The following HMOX2 variants were observed in gnomAD, a reference collection of about 807,000 sequenced individuals.
HMOX2 encodes heme oxygenase (decycling) 2.
HMOX2 carries 30 observed loss-of-function variants against 33.7 expected under a neutral mutation model. The observed-to-expected ratio is 0.89, with a 90% CI of 0.67 to 1.21. The LOEUF is 1.21. HMOX2 is among the 50% of genes most tolerant of loss of function. The probability of loss-of-function intolerance (pLI) is 0.00; values close to 1 mark genes in which losing one functional copy is unlikely to be tolerated. For synonymous variants in HMOX2, 155 were observed against 155.0 expected, an observed-to-expected ratio of 1.00 and a Z score of 0.00; for missense variants, 403 against 399.1, an observed-to-expected ratio of 1.01 and a Z score of -0.08.
At chr16:4,487,907 C>T (rs1596453018) in intron 1 of HMOX2, among the ~76,000 whole-genome samples, 1 of 147,440 alleles carries the variant, frequency 6.8e-6, no homozygotes, top group Admixed American at 6.8e-5. Context: ...GGGGAGATCA[C>T]GCCATTGCAT....
intron 1 of HMOX2, among the ~76,000 whole-genome samples, chr16:4,490,558 C>T (rs555064528): frequency 1.3e-5 from 2 of 152,292 alleles, no homozygotes; most frequent in African/African-American, 4.8e-5. Flanking sequence ...TTCAGCCTGC[C>T]TGGATTTGTT....
chr16:4,494,562 T>C (rs189715865), intron 1 of HMOX2, among the ~76,000 whole-genome samples: 3 of 152,156 alleles, frequency 2.0e-5, no homozygotes, highest in Admixed American at 2.0e-4. Flanking sequence ...AACCATGAAG[T>C]TGATGAATGC....
chr16:4,488,852 T>G (rs2058239191), intron 1 of HMOX2: 1 of 149,622 alleles, frequency 6.7e-6, no homozygotes. Context: ...TGAGACAGGA[T>G]CTCACTCTGT....
intron 1 of HMOX2, among the ~76,000 whole-genome samples, chr16:4,476,931 G>A (rs1265614871): frequency 6.6e-6 from 1 of 152,198 alleles, no homozygotes; most frequent in African/African-American, 2.4e-5. Flanking sequence ...TTCCCGGGCT[G>A]TTGGCATTGA....
chr16:4,507,467 G>T (rs2058723264), intron 3 of HMOX2, among the ~76,000 whole-genome samples: 1 of 151,976 alleles, frequency 6.6e-6, no homozygotes, highest in African/African-American at 2.4e-5. Context: ...AAAAAAATTG[G>T]TTCTCATGGC....
In HMOX2 at chr16:4,500,251, A is replaced by T. The variant is rs17882207; in HGVS notation, c.-41-5233A>T. Among the ~76,000 whole-genome samples the T allele has an allele frequency of 2.9e-3, 435 of 152,242 alleles. 3 individuals carry two copies. The highest frequency in any genetic ancestry group is 9.9e-3 in the African/African-American group (411 of 41,538). ...CAGCCTTCTAGGAAGCAGGCAGGGG[A>T]CCCCCATCCAGGGTGATGGTAAGAA... On this transcript the variant is annotated intron_variant, in intron 1 of 5. Coordinates refer to ENST00000570646, the MANE Select transcript of HMOX2 (RefSeq NM_002134.4).
At chr16:4,476,529 C>T (rs1329810348) in intron 1 of HMOX2, 42 bp downstream of exon 1, 2 of 152,400 alleles carry the variant, frequency 1.3e-5, no homozygotes, top group East Asian at 3.9e-4. Context: ...TTCCGCCCGG[C>T]TTCTCGGACC....
intron 1 of HMOX2, among the ~76,000 whole-genome samples, chr16:4,494,551 T>A (rs2058375294): frequency 6.6e-6 from 1 of 152,116 alleles, no homozygotes; most frequent in Non-Finnish European, 1.5e-5. Flanking sequence ...AATTTGTTAC[T>A]AACCATGAAG....
intron 1 of HMOX2, among the ~76,000 whole-genome samples, chr16:4,484,770 T>C (rs2058124836): frequency 6.6e-6 from 1 of 152,176 alleles, no homozygotes; most frequent in African/African-American, 2.4e-5. Context: ...TTAAGTTTCT[T>C]ATATAAAATG....
Position 4,476,434 on chromosome 16 carries a change from C to G in HMOX2, c.-95C>G, listed in dbSNP as rs904616136. ...GGGACTGCGGCGCCTGAGGGAGTCG[C>G]TGACGGGCACGCTGACTGGAGGCTG... On this transcript the variant is annotated 5_prime_UTR_variant, in exon 1 of 6. Coordinates refer to ENST00000570646, the MANE Select transcript of HMOX2 (RefSeq NM_002134.4). 6.6e-6 allele frequency: 1 copy of G among 152,284 alleles called. No individual in the cohort carries two copies. Among genetic ancestry groups the G allele is most frequent in the Non-Finnish European group, 1.5e-5 (1 of 68,064 alleles). The allele number at this position is 152,284 out of a possible 1,614,324, so 9.4% of individuals were successfully genotyped here. A position where few individuals can be genotyped will look rare whatever the true frequency, so the allele number is the denominator to read the frequency against.
intron 1 of HMOX2, among the ~76,000 whole-genome samples, chr16:4,493,857 G>C (rs2058357407): frequency 6.6e-6 from 1 of 152,200 alleles, no homozygotes; most frequent in Admixed American, 6.5e-5. Flanking sequence ...CAGATGGAGG[G>C]ATTCAGTCTT....
At position 4,480,344 on chromosome 16, in the gene HMOX2, G is replaced by A. The variant is rs371751342; in HGVS notation, c.-42+3857G>A. Among the ~76,000 whole-genome samples the A allele has an allele frequency of 2.3e-3, 265 of 115,978 alleles. 2 individuals are homozygous for A. The East Asian group carries it at 0.042, about 18-fold the overall frequency. 76.1% of individuals were successfully genotyped at this position (115,978 alleles called of 152,430 possible). A position where few individuals can be genotyped will look rare whatever the true frequency, so the allele number is the denominator to read the frequency against. On this transcript the variant is annotated intron_variant, in intron 1 of 5. Transcript: ENST00000570646. ...ATTACAGGCGTGAGCCACAGCACCC[G>A]GCCTTTTTTTTTTTTTTTTCCTTAG...
chr16:4,494,890 T>G (rs942791367), intron 1 of HMOX2, among the ~76,000 whole-genome samples: 9 of 151,564 alleles, frequency 5.9e-5, no homozygotes, highest in Admixed American at 2.0e-4. Flanking sequence ...AAAAAAAGTT[T>G]GGCCAGGCAT....
chr16:4,476,824 C>T (rs2057860595), intron 1 of HMOX2, among the ~76,000 whole-genome samples: 1 of 152,204 alleles, frequency 6.6e-6, no homozygotes, highest in African/African-American at 2.4e-5. Flanking sequence ...CCCAGCGTCA[C>T]GGCTATGCTG....
At chr16:4,477,299 G>T (rs549714218) in intron 1 of HMOX2, among the ~76,000 whole-genome samples, 1 of 151,922 alleles carries the variant, frequency 6.6e-6, no homozygotes, top group South Asian at 2.1e-4. Flanking sequence ...AGGAGTCCGA[G>T]ACCAGCCTGG....
chr16:4,489,655 C>T (rs1252641924), intron 1 of HMOX2, among the ~76,000 whole-genome samples: 1 of 152,036 alleles, frequency 6.6e-6, no homozygotes, highest in Non-Finnish European at 1.5e-5. Context: ...GATGGGGTTT[C>T]ACCATGTTGC....
At chr16:4,475,529 C>T (rs1387541133), upstream of HMOX2, among the ~76,000 whole-genome samples, 2 of 149,592 alleles carry the variant, frequency 1.3e-5, no homozygotes, top group African/African-American at 4.9e-5. Context: ...CCAGGCTGGT[C>T]TCGAACTGCT....
Position 4,508,026 on chromosome 16 carries a change from G to A in HMOX2, c.518G>A (p.Arg173Gln), listed in dbSNP as rs371292152. 14 of 1,613,890 alleles carry A rather than the reference G, an allele frequency of 8.7e-6. No individual in the cohort carries two copies. The highest frequency in any genetic ancestry group is 1.3e-5 in the African/African-American group (1 of 74,878). ...GGQVLKKVAQ[R>Q]ALKLPSTGEG... ...CAGGTGCTGAAGAAGGTGGCCCAGC[G>A]AGCACTGAAACTCCCCAGCACAGGG... The change falls in exon 4 of 6, where the codon CGA (arginine) becomes CAA (glutamine). Residue 173 changes from arginine (R) to glutamine (Q), a missense_variant. Physicochemically the swap from Arg to Gln is conservative, Grantham distance 43. Transcript: ENST00000570646.
upstream of HMOX2, among the ~76,000 whole-genome samples, chr16:4,475,479 T>C (rs1301915704): frequency 6.6e-6 from 1 of 151,520 alleles, no homozygotes; most frequent in Non-Finnish European, 1.5e-5. Flanking sequence ...GGCTAAAATT[T>C]TTTTGTATTT....
Sources: allele counts gnomAD v4.1 joint callset (sites outside exome capture counted in the v4.1 genomes callset), GRCh38; gene constraint gnomAD v4.1.1; transcripts MANE v1.5; gene names NCBI Gene and HGNC (gene_info 2026-07-23, HGNC 2026-07-21).